PHACTR3: variants seen among roughly 807,000 people sequenced by gnomAD.
PHACTR3 encodes the protein phosphatase and actin regulator 3.
Under a neutral mutation model 66.8 loss-of-function variants are expected in PHACTR3, and 16 were observed. That is an observed-to-expected ratio of 0.24 (90% confidence interval 0.16 to 0.36). The LOEUF is 0.36. Among genes scored for constraint, PHACTR3 ranks in the 10% least tolerant of loss-of-function variants. The pLI is 1.00. For missense variants in PHACTR3, 647 were observed against 719.9 expected, an observed-to-expected ratio of 0.90 and a Z score of 1.16; for synonymous variants, 323 against 292.1, an observed-to-expected ratio of 1.11 and a Z score of -1.08.
At chr20:59,846,796 A>AATTT (rs1334165542) in intron 12 of PHACTR3, among the ~76,000 whole-genome samples, 3 of 152,302 alleles carry the variant, frequency 2.0e-5, no homozygotes, top group Non-Finnish European at 4.4e-5. Flanking sequence ...AATTTTCAAT[A>AATTT]ATTTATTAAC....
At position 59,774,393 on chromosome 20, in the gene PHACTR3, TGAG is replaced by T; in HGVS notation, c.1081_1083del (p.Glu361del). 6.2e-7 allele frequency: 1 copy of T among 1,614,094 alleles called. No individual in the cohort carries two copies. Among genetic ancestry groups the T allele is most frequent in the Non-Finnish European group, 8.5e-7 (1 of 1,180,000 alleles). On this transcript the variant is annotated inframe_deletion, in exon 7 of 13. Coordinates refer to ENST00000371015, the MANE Select transcript of PHACTR3 (RefSeq NM_080672.5). The stretch of plus-strand genomic sequence containing the variant: ...ACAAGCGAACTGCCGCTAAGGAATC[TGAG>T]GAGAACAAGGAGAACCTGATCATAA...
intron 1 of PHACTR3, among the ~76,000 whole-genome samples, chr20:59,661,065 A>G (rs1210853621): frequency 6.6e-6 from 1 of 152,220 alleles, no homozygotes; most frequent in Non-Finnish European, 1.5e-5. Context: ...TCAGAATTTT[A>G]AAGTGGGCAG....
At chr20:59,730,954 A>ACGCAT in intron 1 of PHACTR3, among the ~76,000 whole-genome samples, 1 of 152,222 alleles carries the variant, frequency 6.6e-6, no homozygotes, top group South Asian at 2.1e-4. Flanking sequence ...TGAGTGAGGG[A>ACGCAT]CGCATTTTCA....
chr20:59,670,606 G>GGC (rs1555809999), intron 1 of PHACTR3, among the ~76,000 whole-genome samples: 19 of 70,304 alleles, frequency 2.7e-4, no homozygotes, highest in African/African-American at 1.6e-3. Context: ...TGCCGGGGGT[G>GGC]GGGGGGGGGG....
At chr20:59,595,623 C>T (rs1198935892) in intron 1 of PHACTR3, among the ~76,000 whole-genome samples, 1 of 152,154 alleles carries the variant, frequency 6.6e-6, no homozygotes, top group African/African-American at 2.4e-5. Context: ...CTGTTGAGTT[C>T]AACTCTGTCG....
intron 1 of PHACTR3, among the ~76,000 whole-genome samples, chr20:59,690,848 A>G (rs993186464): frequency 6.6e-6 from 1 of 152,142 alleles, no homozygotes; most frequent in African/African-American, 2.4e-5. Context: ...CATATTACCA[A>G]AGCCTCCCTG....
At chr20:59,622,754 A>T (rs1446113854) in intron 1 of PHACTR3, among the ~76,000 whole-genome samples, 1 of 151,758 alleles carries the variant, frequency 6.6e-6, no homozygotes, top group Non-Finnish European at 1.5e-5. Context: ...ACCAGCTCCC[A>T]TCTGTCCATC....
At chr20:59,630,047 G>A (rs2034609334) in intron 1 of PHACTR3, among the ~76,000 whole-genome samples, 1 of 152,178 alleles carries the variant, frequency 6.6e-6, no homozygotes, top group African/African-American at 2.4e-5. Flanking sequence ...TGTCCTGGTG[G>A]TTGCCACTTT....
intron 8 of PHACTR3, among the ~76,000 whole-genome samples, chr20:59,814,952 G>C (rs2147032378): frequency 6.6e-6 from 1 of 152,230 alleles, no homozygotes; most frequent in South Asian, 2.1e-4. Flanking sequence ...ACAGGAGGTG[G>C]GGGGAGGGTG....
chr20:59,598,840 C>A (rs547020639), intron 1 of PHACTR3, among the ~76,000 whole-genome samples: 69 of 152,170 alleles, frequency 4.5e-4, no homozygotes, highest in Non-Finnish European at 7.2e-4. Flanking sequence ...GAGGGCGCGG[C>A]TGCCCACCTG....
chr20:59,785,013 GGGT>G (rs1205523771), intron 7 of PHACTR3, among the ~76,000 whole-genome samples: 2 of 151,906 alleles, frequency 1.3e-5, no homozygotes, highest in South Asian at 4.2e-4. Context: ...GACTTTCCGA[GGGT>G]GGGAGGGTGG....
chr20:59,584,711 C>T (rs763787257), intron 1 of PHACTR3, among the ~76,000 whole-genome samples: 29 of 152,138 alleles, frequency 1.9e-4, no homozygotes, highest in Non-Finnish European at 1.6e-4. Context: ...CTTCACTCCC[C>T]GGCCTTCACC....
At chr20:59,671,971 C>T (rs1311639506) in intron 1 of PHACTR3, among the ~76,000 whole-genome samples, 1 of 152,238 alleles carries the variant, frequency 6.6e-6, no homozygotes, top group Non-Finnish European at 1.5e-5. Context: ...TGAAAGGGAT[C>T]CTCCTTTATT....
intron 12 of PHACTR3, among the ~76,000 whole-genome samples, chr20:59,846,518 TTAAA>T (rs1283832144): frequency 6.6e-6 from 1 of 152,192 alleles, no homozygotes; most frequent in Non-Finnish European, 1.5e-5. Flanking sequence ...TCATTCTGTC[TTAAA>T]TAGAATGAAT....
chr20:59,587,882 A>G (rs911363109), intron 1 of PHACTR3, among the ~76,000 whole-genome samples: 6 of 151,968 alleles, frequency 3.9e-5, no homozygotes, highest in African/African-American at 1.2e-4. Context: ...CAGCCTTCAA[A>G]TCTCTCCTCC....
chr20:59,604,604 TG>T lies in PHACTR3; in HGVS notation c.-407del, dbSNP rs2146330777. The T allele has an allele frequency of 1.3e-5, 1 of 77,996 alleles. No individual in the cohort carries two copies. Among genetic ancestry groups the T allele is most frequent in the Non-Finnish European group, 1.6e-5 (1 of 64,478 alleles). 4.8% of individuals were successfully genotyped at this position (77,996 alleles called of 1,614,324 possible). A position where few individuals can be genotyped will look rare whatever the true frequency, so the allele number is the denominator to read the frequency against. On this transcript the variant is annotated 5_prime_UTR_variant, in exon 1 of 13. Transcript: ENST00000371015. The stretch of plus-strand genomic sequence containing the variant: ...CCTTTTTTCCTGGGGGGGTGGGGGG[TG>T]GGGTGGGGGGAGGGAGCGCCCCCAG...
chr20:59,604,877 CTTTTTTTTTTTT>C lies in PHACTR3; in HGVS notation c.-127_-116del, dbSNP rs11477768. 7 of 978,806 alleles carry C rather than the reference CTTTTTTTTTTTT, an allele frequency of 7.2e-6. No individual in the cohort carries two copies. The highest frequency in any genetic ancestry group is 7.2e-6 in the Non-Finnish European group (6 of 829,798). 60.6% of individuals were successfully genotyped at this position (978,806 alleles called of 1,614,324 possible). A position where few individuals can be genotyped will look rare whatever the true frequency, so the allele number is the denominator to read the frequency against. ...TCTCCAGCTCGTTTCCTTTCCCGGC[CTTTTTTTTTTTT>C]TTTTTTTTTTAATTTTCTTTTTTAA... On this transcript the variant is annotated 5_prime_UTR_variant, in exon 1 of 13. Transcript: ENST00000371015.
chr20:59,584,015 A>G lies in PHACTR3; in HGVS notation c.109+6398A>G, dbSNP rs963231127. ...AGTGGGCCAGACCGGTGGGCTCGCT[A>G]TGGAAGGTTCCTGCACCAGGCATTT... On this transcript the variant is annotated intron_variant, in intron 1 of 12. Transcript: ENST00000359926. 4.6e-5 allele frequency among the ~76,000 whole-genome samples: 7 copies of G among 152,332 alleles called. No individual in the cohort carries two copies. The East Asian group carries it at 9.7e-4, about 21-fold the overall frequency.
chr20:59,681,684 C>G (rs1391935065), intron 1 of PHACTR3, among the ~76,000 whole-genome samples: 3 of 152,224 alleles, frequency 2.0e-5, no homozygotes, highest in Admixed American at 2.0e-4. Flanking sequence ...AAGATCTTTG[C>G]CCAGGTCCTG....
Sources: gnomAD v4.1 joint callset for allele counts (sites outside exome capture counted in the v4.1 genomes callset) on GRCh38, gnomAD v4.1.1 for gene constraint, MANE v1.5 for transcripts, NCBI Gene and HGNC (gene_info 2026-07-23, HGNC 2026-07-21) for gene names.